The following NLRP5 variants were observed in gnomAD, a reference collection of about 807,000 sequenced individuals.
The protein encoded by NLRP5 is NACHT, LRR and PYD domains-containing protein 5.
Under a neutral mutation model 113.1 loss-of-function variants are expected in NLRP5, and 93 were observed. The observed-to-expected ratio is 0.82, with a 90% CI of 0.70 to 0.98. The LOEUF is 0.98. NLRP5 is among the 50% of genes least tolerant of loss of function. NLRP5 has a pLI of 0.00. For missense variants in NLRP5, 1,808 were observed against 1,514.3 expected (o/e 1.19, Z -3.22); for synonymous variants, 751 against 600.7 (o/e 1.25, Z -3.66).
At chr19:56,046,375 A>C (rs1053760690) in intron 11 of NLRP5, among the ~76,000 whole-genome samples, 3 of 134,676 alleles carry the variant, frequency 2.2e-5, no homozygotes, top group Non-Finnish European at 3.3e-5. Context: ...ATCTATGTTC[A>C]TCAAGGATAT....
In NLRP5 at chr19:56,058,381, C is replaced by T. The variant is rs763066847; in HGVS notation, c.3441C>T (p.Ala1147=). Residue 1147 remains alanine (A), a synonymous_variant, in exon 14 of 15, where the codon GCC becomes GCT. Coordinates refer to ENST00000390649, the MANE Select transcript of NLRP5 (RefSeq NM_153447.4). The stretch of plus-strand genomic sequence containing the variant: ...TGATGAAGCTGTGTTCGGCCTTTGC[C>T]TGTCCCACGTCTAACTTACAGATAA... The T allele has an allele frequency of 6.2e-7, 1 of 1,613,790 alleles. No homozygotes were observed. Among genetic ancestry groups the T allele is most frequent in the Admixed American group, 1.7e-5 (1 of 59,966 alleles).
intron 7 of NLRP5, among the ~76,000 whole-genome samples, chr19:56,031,870 C>T (rs752858143): frequency 3.9e-5 from 6 of 152,118 alleles, no homozygotes; most frequent in Non-Finnish European, 7.3e-5. Flanking sequence ...CCACAGTGAG[C>T]GTGGGAGACC....
chr19:56,001,804 C>T (rs945687230), intron 1 of NLRP5, among the ~76,000 whole-genome samples: 1 of 152,130 alleles, frequency 6.6e-6, no homozygotes, highest in Non-Finnish European at 1.5e-5. Flanking sequence ...CAATACCGCC[C>T]CTCAGACAAT....
intron 12 of NLRP5, among the ~76,000 whole-genome samples, chr19:56,051,218 A>G (rs1025807670): frequency 3.3e-5 from 5 of 152,042 alleles, no homozygotes; most frequent in African/African-American, 1.2e-4. Flanking sequence ...ATTTATTTTG[A>G]GTCTTGCTCT....
At chr19:56,020,815 C>A (rs1982584207) in intron 6 of NLRP5, among the ~76,000 whole-genome samples, 1 of 151,130 alleles carries the variant, frequency 6.6e-6, no homozygotes, top group African/African-American at 2.4e-5. Context: ...TGAATACCTG[C>A]CATTGAAGAA....
chr19:56,048,884 A>G (rs1256662631), intron 11 of NLRP5, among the ~76,000 whole-genome samples: 2 of 150,286 alleles, frequency 1.3e-5, no homozygotes, highest in African/African-American at 2.4e-5. Context: ...ATAATCCCAG[A>G]CTTCTGGAGG....
At chr19:55,995,291 T>C (rs895062852), upstream of NLRP5, among the ~76,000 whole-genome samples, 1 of 152,118 alleles carries the variant, frequency 6.6e-6, no homozygotes, top group African/African-American at 2.4e-5. Flanking sequence ...CAAACCAACA[T>C]GGCACATGTA....
At chr19:56,011,198 G>T (rs1982178018) in intron 3 of NLRP5, among the ~76,000 whole-genome samples, 1 of 151,798 alleles carries the variant, frequency 6.6e-6, no homozygotes, top group South Asian at 2.1e-4. Context: ...CTACAAGATG[G>T]ATGGACCTTG....
At chr19:56,004,243 T>A in intron 2 of NLRP5, 148 bp downstream of exon 2, 1 of 872,794 alleles carries the variant, frequency 1.1e-6, no homozygotes, top group Non-Finnish European at 1.7e-6. Flanking sequence ...GTCATCGTCA[T>A]TGGTTGGAAA....
intron 9 of NLRP5, among the ~76,000 whole-genome samples, chr19:56,037,500 C>T (rs192312657): frequency 2.7e-4 from 41 of 152,092 alleles, no homozygotes; most frequent in African/African-American, 9.6e-4. Flanking sequence ...TGAGACCAGC[C>T]TGGCCAACAT....
At chr19:55,994,479 C>T in the NLRP5 span, among the ~76,000 whole-genome samples, 1 of 152,292 alleles carries the variant, frequency 6.6e-6, no homozygotes, top group South Asian at 2.1e-4. Flanking sequence ...CTCACTGTAA[C>T]CTCCAACTCC....
Position 56,024,497 on chromosome 19 carries a change from ATATGTATATGTATATGTG to A in NLRP5, c.680-2401_680-2384del, listed in dbSNP as rs1048410329. On this transcript the variant is annotated intron_variant, in intron 6 of 14. Transcript: ENST00000390649. The stretch of plus-strand genomic sequence containing the variant: ...TGTGTATACGTACATGCGTATATAC[ATATGTATATGTATATGTG>A]TATGTATATGTATACATATGTATAT... Among the ~76,000 whole-genome samples the A allele has an allele frequency of 2.1e-4, 25 of 121,692 alleles. 1 individual carries two copies. The highest frequency in any genetic ancestry group is 6.9e-4 in the African/African-American group (22 of 31,980). The allele number at this position is 121,692 out of a possible 152,430, so 79.8% of individuals were successfully genotyped here.
Position 56,053,800 on chromosome 19 carries a change from G to C in NLRP5, c.3291G>C (p.Ala1097=), listed in dbSNP as rs768735027. ...TGAAGCAAAAGAACAGTGTTCTGGC[G>C]AGACTCGGGTAACTTCCTGGGGCGC... Residue 1097 remains alanine, a synonymous_variant, in exon 13 of 15, where the codon GCG becomes GCC. Coordinates refer to ENST00000390649, the MANE Select transcript of NLRP5 (RefSeq NM_153447.4). The C allele has an allele frequency of 1.9e-6, 3 of 1,613,294 alleles. No homozygotes were observed. In the East Asian group the frequency reaches 6.7e-5, roughly 36 times the overall value.
At chr19:56,006,197 T>C (rs1457632485) in intron 2 of NLRP5, among the ~76,000 whole-genome samples, 1 of 152,010 alleles carries the variant, frequency 6.6e-6, no homozygotes, top group Non-Finnish European at 1.5e-5. Context: ...ACACCGCATG[T>C]TGTCACTCAT....
In NLRP5 at chr19:56,019,427, G is replaced by T. The variant is rs1022041691; in HGVS notation, c.622+29G>T. ...AGGAAAATAGATGTATTCCTTGGTT[G>T]CCCTCCTGGAAGAAAGTTGGGTGAA... On this transcript the variant is annotated intron_variant, in intron 5 of 14. Transcript: ENST00000390649. 44 of 1,607,718 alleles carry T rather than the reference G, an allele frequency of 2.7e-5. 2 individuals carry two copies. The Admixed American group carries it at 5.2e-4, about 19-fold the overall frequency.
At position 56,028,365 on chromosome 19, in the gene NLRP5, G is replaced by A; in HGVS notation, c.2132G>A (p.Trp711Ter). 6.2e-7 allele frequency: 1 copy of A among 1,613,940 alleles called. No individual in the cohort carries two copies. Among genetic ancestry groups the A allele is most frequent in the Non-Finnish European group, 8.5e-7 (1 of 1,179,856 alleles). ...GCATTAAACAGCTTCCAAGAAGTGT[G>A]GCTTCCGATTAACCAGAACCTGGAC... The change falls in exon 7 of 15, where the codon TGG (tryptophan) becomes TAG (stop). Residue 711 changes from tryptophan (W) to a stop codon, truncating the protein, a stop_gained. Transcript: ENST00000390649. LOFTEE classifies it high-confidence loss of function.
Position 56,021,993 on chromosome 19 carries a change from C to T in NLRP5, c.679+1562C>T, listed in dbSNP as rs548410200. On this transcript the variant is annotated intron_variant, in intron 6 of 14. Coordinates refer to ENST00000390649, the MANE Select transcript of NLRP5 (RefSeq NM_153447.4). ...AGACAGCTTCAAGCTGGGCTATTAT[C>T]CCACCTGTGCAATGTAATGTTGATC... is the stretch of plus-strand genomic sequence containing the variant. Among the ~76,000 whole-genome samples the T allele has an allele frequency of 5.3e-5, 8 of 152,268 alleles. No homozygotes were observed. In the South Asian group the frequency reaches 1.7e-3, roughly 32 times the overall value.
At chr19:56,037,212 C>A (rs554064972) in intron 9 of NLRP5, among the ~76,000 whole-genome samples, 1 of 152,076 alleles carries the variant, frequency 6.6e-6, no homozygotes, top group African/African-American at 2.4e-5. Context: ...GTTCCTCTTT[C>A]GTAAATACTG....
At position 56,053,768 on chromosome 19, in the gene NLRP5, G is replaced by A. The variant is rs762535392; in HGVS notation, c.3259G>A (p.Glu1087Lys). ...TGACGGTGGGGTTGCTGCGCTGTGC[G>A]AGGGACTGAAGCAAAAGAACAGTGT... Residue 1087 changes from glutamate to lysine, a missense_variant, in exon 13 of 15, where the codon GAG (glutamate) becomes AAG (lysine). Physicochemically the swap from Glu to Lys is moderately conservative, Grantham distance 56 (BLOSUM62 1). Coordinates refer to ENST00000390649, the MANE Select transcript of NLRP5 (RefSeq NM_153447.4). 6.8e-6 allele frequency: 11 copies of A among 1,613,806 alleles called. No homozygotes were observed. The highest frequency in any genetic ancestry group is 1.7e-5 in the Admixed American group (1 of 59,988).
Sources: allele counts gnomAD v4.1 joint callset (sites outside exome capture counted in the v4.1 genomes callset), GRCh38; gene constraint gnomAD v4.1.1; transcripts MANE v1.5; gene names NCBI Gene and HGNC (gene_info 2026-07-23, HGNC 2026-07-21).